The following HTR2C variants were observed in gnomAD, a reference collection of about 807,000 sequenced individuals.
The protein encoded by HTR2C is 5-hydroxytryptamine (serotonin) receptor 2C, G protein-coupled.
Under a neutral mutation model 21.0 loss-of-function variants are expected in HTR2C, and 5 were observed. That is an observed-to-expected ratio of 0.24 (90% CI 0.12 to 0.50). The LOEUF is 0.50. HTR2C is among the 20% of genes least tolerant of loss of function. The pLI, the probability that HTR2C is intolerant of heterozygous loss-of-function variation, is 0.98. For missense variants in HTR2C, 271 were observed against 371.2 expected (o/e 0.73, Z 2.22); for synonymous variants, 150 against 145.3 (o/e 1.03, Z -0.23).
intron 4 of HTR2C, among the ~76,000 whole-genome samples, chrX:114,837,443 C>T (rs184680665): frequency 1.3e-4 from 14 of 111,459 alleles, no homozygotes; most frequent in African/African-American, 4.2e-4. Context: ...TAAGAGAGTA[C>T]GTGTGCAGGT....
intron 4 of HTR2C, among the ~76,000 whole-genome samples, chrX:114,740,075 CT>C (rs1556425085): frequency 9.1e-6 from 1 of 109,855 alleles, no homozygotes; most frequent in Non-Finnish European, 1.9e-5. Flanking sequence ...TGCCACTACA[CT>C]CCAGCCTGGG....
chrX:114,591,070 C>T (rs782317778), intron 1 of HTR2C, among the ~76,000 whole-genome samples: 3 of 111,571 alleles, frequency 2.7e-5, no homozygotes, highest in Non-Finnish European at 5.7e-5. Context: ...TGAGTGATCA[C>T]GTCATGAATC....
intron 4 of HTR2C, among the ~76,000 whole-genome samples, chrX:114,805,116 A>G (rs2070388677): frequency 8.9e-6 from 1 of 111,810 alleles, no homozygotes; most frequent in African/African-American, 3.2e-5. Context: ...CATAGGTACA[A>G]ATGGATTAAA....
intron 2 of HTR2C, among the ~76,000 whole-genome samples, chrX:114,641,061 T>C (rs926408468): frequency 2.0e-5 from 2 of 99,995 alleles, no homozygotes; most frequent in African/African-American, 4.2e-5. Context: ...TCTTTTTTTC[T>C]TTTCTTTTCT....
At chrX:114,678,030 T>C (rs192231768) in intron 2 of HTR2C, among the ~76,000 whole-genome samples, 1 of 110,957 alleles carries the variant, frequency 9.0e-6, no homozygotes, top group Non-Finnish European at 1.9e-5. Context: ...CGACATTTTA[T>C]AATATAAAAT....
chrX:114,728,598 C>G (rs1372924774), intron 3 of HTR2C, among the ~76,000 whole-genome samples: 2 of 110,950 alleles, frequency 1.8e-5, no homozygotes, highest in South Asian at 3.7e-4. Context: ...AACACCATTA[C>G]CTTATTTTGT....
At chrX:114,770,112 G>A (rs782025499) in intron 4 of HTR2C, among the ~76,000 whole-genome samples, 1 of 111,275 alleles carries the variant, frequency 9.0e-6, no homozygotes, top group African/African-American at 3.3e-5. Context: ...TATATATTGA[G>A]TCATTTATCT....
chrX:114,830,196 G>A (rs1401592377), intron 4 of HTR2C, among the ~76,000 whole-genome samples: 1 of 111,125 alleles, frequency 9.0e-6, no homozygotes, highest in African/African-American at 3.3e-5. Flanking sequence ...AATGATCGAT[G>A]CTTGCCTCCT....
chrX:114,727,126 C>T (rs958104480), intron 3 of HTR2C, among the ~76,000 whole-genome samples, 155 bp downstream of exon 3: 1 of 111,570 alleles, frequency 9.0e-6, no homozygotes, highest in Non-Finnish European at 1.9e-5. Flanking sequence ...TGGGTGTTTC[C>T]TATTCAAAAA....
intron 2 of HTR2C, among the ~76,000 whole-genome samples, chrX:114,698,416 G>A (rs1169885714): frequency 1.8e-5 from 2 of 108,488 alleles, no homozygotes; most frequent in African/African-American, 6.7e-5. Flanking sequence ...GCGTTGTTCT[G>A]TGCAATCCAG....
chrX:114,880,809 T>C (rs1357411959), intron 5 of HTR2C, among the ~76,000 whole-genome samples: 1 of 111,605 alleles, frequency 9.0e-6, no homozygotes, highest in Non-Finnish European at 1.9e-5. Context: ...TATATCAGAA[T>C]TTTTTTTCAT....
intron 4 of HTR2C, among the ~76,000 whole-genome samples, chrX:114,805,111 G>A (rs1188836850): frequency 9.0e-6 from 1 of 111,693 alleles, no homozygotes. Context: ...TCTGCCATAG[G>A]TACAAATGGA....
intron 2 of HTR2C, among the ~76,000 whole-genome samples, chrX:114,650,835 G>A (rs1481197571): frequency 9.0e-6 from 1 of 111,449 alleles, no homozygotes. Flanking sequence ...CTTAAATCTA[G>A]TCAGGGCTGT....
rs199953564 is a variant in HTR2C, at chrX:114,908,747, G to A, written c.*1332G>A. Reference sequence around the variant, plus strand: ...ATAAGTGTTGGCCATCATTTCATTCGTGGGCCTGCTGCTCTCTAAGAATTC... The same window carrying A: ...ATAAGTGTTGGCCATCATTTCATTCATGGGCCTGCTGCTCTCTAAGAATTC... On this transcript the variant is annotated 3_prime_UTR_variant, in exon 6 of 6. Transcript: ENST00000276198. The A allele has an allele frequency of 5.3e-5, 6 of 112,391 alleles. No individual in the cohort carries two copies. The highest frequency in any genetic ancestry group is 1.6e-4 in the African/African-American group (5 of 30,881). 9.3% of individuals were successfully genotyped at this position (112,391 alleles called of 1,213,427 possible). A position where few individuals can be genotyped will look rare whatever the true frequency, so the allele number is the denominator to read the frequency against.
chrX:114,624,730 T>C (rs1216806765), intron 2 of HTR2C, among the ~76,000 whole-genome samples: 3 of 111,831 alleles, frequency 2.7e-5, no homozygotes, highest in African/African-American at 9.7e-5. Flanking sequence ...CTCCTGATAG[T>C]TTAGAGTCTT....
intron 1 of HTR2C, among the ~76,000 whole-genome samples, chrX:114,590,552 T>C (rs1465136334): frequency 9.0e-6 from 1 of 111,624 alleles, no homozygotes; most frequent in African/African-American, 3.3e-5. Context: ...GATTGTATTG[T>C]ATTCCAATGG....
In HTR2C at chrX:114,710,796, A is replaced by G. The variant is rs192246260; in HGVS notation, c.-79-16062A>G. ...TTCCCAGGGTATATCACAATGACAG[A>G]TTTAGTGACATGAACTTTATGAAGT... On this transcript the variant is annotated intron_variant, in intron 2 of 5. Coordinates refer to ENST00000276198, the MANE Select transcript of HTR2C (RefSeq NM_000868.4). 2.5e-4 allele frequency among the ~76,000 whole-genome samples: 28 copies of G among 111,196 alleles called. No individual in the cohort carries two copies. In the East Asian group the frequency reaches 7.7e-3, roughly 30 times the overall value.
At chrX:114,767,338 C>T (rs1399518412) in intron 4 of HTR2C, among the ~76,000 whole-genome samples, 1 of 111,041 alleles carries the variant, frequency 9.0e-6, no homozygotes, top group South Asian at 3.7e-4. Flanking sequence ...AGATCATATT[C>T]ATTCTTGGAA....
At chrX:114,837,127 G>T (rs1191981028) in intron 4 of HTR2C, among the ~76,000 whole-genome samples, 1 of 111,854 alleles carries the variant, frequency 8.9e-6, no homozygotes, top group Non-Finnish European at 1.9e-5. Flanking sequence ...TGCCTACATT[G>T]ACTTACTCAC....
Sources: gnomAD v4.1 joint callset for allele counts (sites outside exome capture counted in the v4.1 genomes callset) on GRCh38, gnomAD v4.1.1 for gene constraint, MANE v1.5 for transcripts, NCBI Gene and HGNC (gene_info 2026-07-23, HGNC 2026-07-21) for gene names.